The following CNKSR2 variants were observed in gnomAD, a reference collection of about 807,000 sequenced individuals.
CNKSR2 encodes the protein connector enhancer of kinase suppressor of Ras 2, also known as CNK homolog protein 2.
Under a neutral mutation model 84.4 loss-of-function variants are expected in CNKSR2, and 14 were observed. The ratio of observed to expected loss-of-function variants is 0.17; its 90% confidence interval spans 0.11 to 0.26. The LOEUF (loss-of-function observed/expected upper bound fraction) is 0.26. CNKSR2 is among the 10% of genes least tolerant of loss of function. CNKSR2 has a pLI of 1.00. For synonymous variants in CNKSR2, 275 were observed against 277.9 expected (o/e 0.99, Z 0.10); for missense variants, 485 against 771.2 (o/e 0.63, Z 4.40).
intron 17 of CNKSR2, among the ~76,000 whole-genome samples, chrX:21,597,085 T>G (rs1218426006): frequency 1.8e-5 from 2 of 111,965 alleles, no homozygotes; most frequent in East Asian, 5.6e-4. Flanking sequence ...ACAAGATGGA[T>G]GCACTAGAAT....
rs1337464827 is a variant in CNKSR2, at chrX:21,545,022, A to G, written c.1303+12955A>G. On this transcript the variant is annotated intron_variant, in intron 11 of 21. Coordinates refer to ENST00000379510, the MANE Select transcript of CNKSR2 (RefSeq NM_014927.5). The stretch of plus-strand genomic sequence containing the variant: ...TTTTCCTACCCCATTGACACCTGGA[A>G]TGCCAGCGAGACAGAACCATTCACT... Among the ~76,000 whole-genome samples, 8 of 111,085 alleles carry G rather than the reference A, an allele frequency of 7.2e-5. No individual in the cohort carries two copies. In the Admixed American group the frequency reaches 7.6e-4, roughly 11 times the overall value.
intron 2 of CNKSR2, chrX:21,429,497 G>C (rs1000938002): frequency 9.0e-6 from 1 of 111,392 alleles, no homozygotes; most frequent in African/African-American, 3.3e-5. Context: ...GGTAGGTAAG[G>C]GTGTGTGATT....
At chrX:21,560,616 T>G (rs889278892) in intron 11 of CNKSR2, among the ~76,000 whole-genome samples, 2 of 111,536 alleles carry the variant, frequency 1.8e-5, no homozygotes, top group Non-Finnish European at 3.8e-5. Context: ...TAGAAATTTA[T>G]TAAGCGACTA....
intron 5 of CNKSR2, among the ~76,000 whole-genome samples, chrX:21,479,247 C>G (rs1284220975): frequency 9.0e-6 from 1 of 111,561 alleles, no homozygotes; most frequent in Non-Finnish European, 1.9e-5. Context: ...TGATTTTATA[C>G]TTCTTATGGC....
intron 5 of CNKSR2, among the ~76,000 whole-genome samples, chrX:21,475,310 A>G (rs1239205970): frequency 1.8e-5 from 2 of 111,898 alleles, no homozygotes; most frequent in African/African-American, 6.5e-5. Flanking sequence ...CTCCATAAAT[A>G]CCTAATGTAT....
chrX:21,442,130 A>G (rs1488085983), intron 4 of CNKSR2, among the ~76,000 whole-genome samples: 1 of 110,957 alleles, frequency 9.0e-6, no homozygotes, highest in Non-Finnish European at 1.9e-5. Context: ...TTAATCTGCT[A>G]TATTTATTTT....
At chrX:21,551,773 C>T (rs2092095096) in intron 11 of CNKSR2, among the ~76,000 whole-genome samples, 1 of 111,779 alleles carries the variant, frequency 8.9e-6, no homozygotes, top group African/African-American at 3.3e-5. Flanking sequence ...GTCTGAGAAA[C>T]CCTGGCTAAC....
Position 21,558,566 on chromosome X carries a change from C to T in CNKSR2, c.1304-2905C>T, listed in dbSNP as rs1357341734. The stretch of plus-strand genomic sequence containing the variant: ...TATAATTCTGTTAAAAAAAAAAAGT[C>T]ACCCCCGGAAAAGTCAGTGTTAAAA... On this transcript the variant is annotated intron_variant, in intron 11 of 21. Transcript: ENST00000379510. Among the ~76,000 whole-genome samples the T allele has an allele frequency of 2.8e-5, 3 of 107,264 alleles. No individual in the cohort carries two copies. In the East Asian group the frequency reaches 8.6e-4, roughly 31 times the overall value. 93.1% of individuals were successfully genotyped at this position (107,264 alleles called of 115,157 possible). A position where few individuals can be genotyped will look rare whatever the true frequency, so the allele number is the denominator to read the frequency against.
intron 1 of CNKSR2, among the ~76,000 whole-genome samples, chrX:21,383,595 G>A (rs1223938607): frequency 9.0e-6 from 1 of 111,655 alleles, no homozygotes; most frequent in Non-Finnish European, 1.9e-5. Context: ...AAATTAAGTA[G>A]GTTGGATGGT....
intron 4 of CNKSR2, chrX:21,468,804 A>G (rs889760699): frequency 4.5e-5 from 5 of 111,666 alleles, no homozygotes; most frequent in South Asian, 7.5e-4. Flanking sequence ...AATCTTATAT[A>G]TGTGTCTGCT....
chrX:21,528,854 A>G (rs952013639), intron 10 of CNKSR2, among the ~76,000 whole-genome samples: 3 of 111,309 alleles, frequency 2.7e-5, no homozygotes, highest in African/African-American at 9.7e-5. Context: ...AGGACAATCC[A>G]TGCATCAAAG....
intron 5 of CNKSR2, among the ~76,000 whole-genome samples, chrX:21,485,588 C>A (rs1027341118): frequency 2.7e-5 from 3 of 110,755 alleles, no homozygotes; most frequent in Admixed American, 9.7e-5. Flanking sequence ...AGAAAAAAAA[C>A]ACACAATACC....
At chrX:21,375,003 G>C in intron 1 of CNKSR2, 42 bp downstream of exon 1, 1 of 1,086,991 alleles carries the variant, frequency 9.2e-7, no homozygotes, top group Non-Finnish European at 1.3e-6. Context: ...ACTGGGGCGC[G>C]GGGCACCAGT....
intron 1 of CNKSR2, among the ~76,000 whole-genome samples, chrX:21,381,562 C>G (rs901666482): frequency 8.9e-6 from 1 of 112,254 alleles, no homozygotes; most frequent in Admixed American, 9.4e-5. Flanking sequence ...CGATCTCATT[C>G]TCTCACTTCT....
intron 4 of CNKSR2, among the ~76,000 whole-genome samples, chrX:21,464,273 T>C (rs1393840912): frequency 8.9e-6 from 1 of 112,071 alleles, no homozygotes; most frequent in Admixed American, 9.4e-5. Context: ...TCAGAATTAC[T>C]GGCTTTCTTT....
intron 9 of CNKSR2, among the ~76,000 whole-genome samples, chrX:21,523,849 A>G (rs2091808872): frequency 9.1e-6 from 1 of 110,450 alleles, no homozygotes; most frequent in Non-Finnish European, 1.9e-5. Context: ...TTGTCTTTCT[A>G]ATGTTCTTTA....
chrX:21,505,715 G>A (rs2147074961), intron 8 of CNKSR2: 1 of 111,044 alleles, frequency 9.0e-6, no homozygotes, highest in East Asian at 2.8e-4. Context: ...AACATAATCA[G>A]AATGGATAGA....
At chrX:21,445,761 G>T (rs1436533306) in intron 4 of CNKSR2, among the ~76,000 whole-genome samples, 1 of 111,812 alleles carries the variant, frequency 8.9e-6, no homozygotes, top group Admixed American at 9.5e-5. Flanking sequence ...CATCCATGTT[G>T]CTGTGAATTA....
At chrX:21,639,310 T>A in intron 20 of CNKSR2, among the ~76,000 whole-genome samples, 1 of 111,448 alleles carries the variant, frequency 9.0e-6, no homozygotes, top group Middle Eastern at 4.6e-3. Flanking sequence ...TTTAGAGATT[T>A]CATCTAGATT....
Sources: gnomAD v4.1 joint callset for allele counts (sites outside exome capture counted in the v4.1 genomes callset) on GRCh38, gnomAD v4.1.1 for gene constraint, MANE v1.5 for transcripts, NCBI Gene and HGNC (gene_info 2026-07-23, HGNC 2026-07-21) for gene names.